The following CFAP43 variants were observed in gnomAD, a reference collection of about 807,000 sequenced individuals.
CFAP43 encodes cilia and flagella associated protein 43.
A neutral mutation model predicts 218.9 loss-of-function variants in CFAP43; 155 were observed. The ratio of observed to expected loss-of-function variants is 0.71; its 90% confidence interval spans 0.62 to 0.81. CFAP43 has a LOEUF of 0.81. Ranked by LOEUF, CFAP43 falls within the 30% of genes least tolerant of loss-of-function variation. The pLI, the probability that CFAP43 is intolerant of heterozygous loss-of-function variation, is 0.00. For synonymous variants in CFAP43, 645 were observed against 681.3 expected (o/e 0.95, Z 0.83); for missense variants, 1,778 against 1,954.3 (o/e 0.91, Z 1.70).
At chr10:104,204,870 A>G (rs781453523) in intron 7 of CFAP43, among the ~76,000 whole-genome samples, 2 of 152,204 alleles carry the variant, frequency 1.3e-5, no homozygotes, top group Non-Finnish European at 2.9e-5. Context: ...GTTTTAGTGT[A>G]GGTCAGTTCC....
At chr10:104,162,537 T>G in intron 24 of CFAP43, 134 bp from the exon 25 acceptor site, 1 of 719,820 alleles carries the variant, frequency 1.4e-6, no homozygotes, top group South Asian at 1.6e-5. Context: ...CCCAATTTTC[T>G]GTTTTGGAAT....
At chr10:104,161,598 C>A (rs761768478) in intron 26 of CFAP43, among the ~76,000 whole-genome samples, 42 of 152,064 alleles carry the variant, frequency 2.8e-4, no homozygotes, top group Non-Finnish European at 5.3e-4. Context: ...GAAGGCAAAC[C>A]TGCATTTTCA....
rs752901770 is a variant in CFAP43, at chr10:104,188,269, C to T, written c.1687+1G>A. On this transcript the variant is annotated splice_donor_variant, in intron 13 of 37. Transcript: ENST00000357060. LOFTEE classifies it high-confidence loss of function. ...GAACTGGCTGCTTATGTTTTCCTTA[C>T]CTTGTGGCAGTAATGTAGGCAGTGT... 1.9e-6 allele frequency: 3 copies of T among 1,613,286 alleles called. No homozygotes were observed. The highest frequency in any genetic ancestry group is 1.1e-5 in the South Asian group (1 of 90,828).
At chr10:104,157,192 G>T (rs1564732795) in intron 27 of CFAP43, among the ~76,000 whole-genome samples, 1 of 152,194 alleles carries the variant, frequency 6.6e-6, no homozygotes, top group African/African-American at 2.4e-5. Context: ...GAACAAAGTG[G>T]TTTCCCACAG....
At chr10:104,166,184 C>T (rs1183081991) in intron 23 of CFAP43, among the ~76,000 whole-genome samples, 2 of 152,198 alleles carry the variant, frequency 1.3e-5, no homozygotes, top group African/African-American at 4.8e-5. Flanking sequence ...AGCGATTTTC[C>T]TGCCTCAGCC....
intron 28 of CFAP43, among the ~76,000 whole-genome samples, chr10:104,150,372 C>T (rs2088192606): frequency 1.3e-5 from 2 of 152,178 alleles, no homozygotes; most frequent in Admixed American, 1.3e-4. Context: ...CCCAAGGCTA[C>T]AGGTCTTGCT....
intron 30 of CFAP43, 61 bp from the exon 31 acceptor site, chr10:104,145,625 C>A: frequency 1.3e-6 from 1 of 744,686 alleles, no homozygotes; most frequent in Non-Finnish European, 1.9e-6. Flanking sequence ...TATTTGTTGA[C>A]AATACTCTTC....
chr10:104,223,211 G>A (rs1328617878), intron 3 of CFAP43, among the ~76,000 whole-genome samples: 1 of 152,170 alleles, frequency 6.6e-6, no homozygotes, highest in Non-Finnish European at 1.5e-5. Context: ...TGGGAATACA[G>A]GTCCAGGGTT....
intron 2 of CFAP43, among the ~76,000 whole-genome samples, chr10:104,228,639 C>T (rs76868739): frequency 6.6e-6 from 1 of 151,994 alleles, no homozygotes; most frequent in Non-Finnish European, 1.5e-5. Context: ...GGCTTTCCAT[C>T]CAGGAATATA....
chr10:104,157,058 G>C (rs2088587377), intron 27 of CFAP43, among the ~76,000 whole-genome samples: 1 of 152,148 alleles, frequency 6.6e-6, no homozygotes, highest in Non-Finnish European at 1.5e-5. Flanking sequence ...AATAAAACAA[G>C]TAAAAATAAC....
At chr10:104,132,831 A>T in intron 35 of CFAP43, 1 of 971,114 alleles carries the variant, frequency 1.0e-6, no homozygotes, top group Non-Finnish European at 1.2e-6. Context: ...AGTTAAAGAC[A>T]CTGAGGGAGA....
intron 35 of CFAP43, 60 bp downstream of exon 35, chr10:104,133,560 A>C: frequency 1.3e-6 from 2 of 1,519,082 alleles, no homozygotes; most frequent in Non-Finnish European, 1.8e-6. Flanking sequence ...ATACTGGTTA[A>C]ATGAATGAAT....
intron 36 of CFAP43, 83 bp from the exon 37 acceptor site, chr10:104,131,567 T>G: frequency 7.3e-7 from 1 of 1,376,590 alleles, no homozygotes; most frequent in Non-Finnish European, 9.7e-7. Context: ...TTCTTATATT[T>G]TAAATACATT....
At position 104,133,537 on chromosome 10, in the gene CFAP43, G is replaced by A. The variant is rs11191930; in HGVS notation, c.4596+83C>T. The A allele has an allele frequency of 9.3e-3, 12,834 of 1,386,256 alleles. 842 individuals carry two copies. In the African/African-American group the frequency reaches 0.16, roughly 17 times the overall value. 85.9% of individuals were successfully genotyped at this position (1,386,256 alleles called of 1,614,324 possible). ...CTTAGAATATGCTTGATATCACAGA[G>A]GCTTCTTATTAAATACTGGTTAAAT... On this transcript the variant is annotated intron_variant, in intron 35 of 37. Transcript: ENST00000357060.
chr10:104,171,878 C>T (rs182549809), intron 20 of CFAP43, among the ~76,000 whole-genome samples: 392 of 152,216 alleles, frequency 2.6e-3, no homozygotes, highest in Admixed American at 4.9e-3. Flanking sequence ...CAGAGGAAAA[C>T]GGCATGATGA....
At chr10:104,145,772 T>A (rs997228780) in intron 30 of CFAP43, among the ~76,000 whole-genome samples, 3 of 152,236 alleles carry the variant, frequency 2.0e-5, no homozygotes, top group African/African-American at 4.8e-5. Flanking sequence ...GTATTAAAAA[T>A]ATTATTTCAT....
intron 27 of CFAP43, among the ~76,000 whole-genome samples, chr10:104,159,766 T>G (rs566105854): frequency 6.6e-6 from 1 of 152,058 alleles, no homozygotes; most frequent in African/African-American, 2.4e-5. Context: ...GGGTGTGAAA[T>G]GGTACTCTAG....
Position 104,147,924 on chromosome 10 carries a change from C to G in CFAP43, c.3735G>C (p.Leu1245=). The G allele has an allele frequency of 1.9e-6, 3 of 1,601,380 alleles. No homozygotes were observed. Among genetic ancestry groups the G allele is most frequent in the Non-Finnish European group, 2.6e-6 (3 of 1,174,102 alleles). ...DEELSSREKF[L]NNYLTRKQHE... ...GCTGTTTCCTTGTAAGGTAGTTGTT[C>G]AGGAATTTTTCTCTAGAGCTTAATT... The change falls in exon 29 of 38, where the codon CTG becomes CTC. Residue 1245 remains leucine (L), a synonymous_variant. Transcript: ENST00000357060.
chr10:104,215,223 G>C (rs2090980627), intron 3 of CFAP43, among the ~76,000 whole-genome samples: 1 of 152,066 alleles, frequency 6.6e-6, no homozygotes, highest in Admixed American at 6.6e-5. Flanking sequence ...CCATTTAAGA[G>C]AATATCCTGA....
Sources: allele counts gnomAD v4.1 joint callset (sites outside exome capture counted in the v4.1 genomes callset), GRCh38; gene constraint gnomAD v4.1.1; transcripts MANE v1.5; gene names NCBI Gene and HGNC (gene_info 2026-07-23, HGNC 2026-07-21).